Variants in RCN2 observed in about 807,000 individuals in gnomAD.
RCN2 encodes the protein reticulocalbin 2, also known as reticulocalbin-2.
RCN2 carries 23 observed loss-of-function variants against 37.5 expected under a neutral mutation model. That is an observed-to-expected ratio of 0.61 (90% CI 0.44 to 0.87). The LOEUF (loss-of-function observed/expected upper bound fraction) is 0.87, where lower values mean the gene tolerates loss of function less well. Among genes scored for constraint, RCN2 ranks in the 40% least tolerant of loss-of-function variants. The probability of loss-of-function intolerance (pLI) is 0.00; values close to 1 mark genes in which losing one functional copy is unlikely to be tolerated. For missense variants in RCN2, 381 were observed against 390.4 expected, an observed-to-expected ratio of 0.98 and a Z score of 0.20; for synonymous variants, 140 against 144.6, an observed-to-expected ratio of 0.97 and a Z score of 0.23.
At chr15:76,944,076 T>C (rs2152651214) in intron 4 of RCN2, among the ~76,000 whole-genome samples, 2 of 137,920 alleles carry the variant, frequency 1.5e-5, no homozygotes, top group South Asian at 4.9e-4. Flanking sequence ...TACTGCAAGC[T>C]CCGCCTCCCG....
intron 3 of RCN2, chr15:76,942,359 G>A (rs1305866770): frequency 6.6e-6 from 1 of 152,176 alleles, no homozygotes; most frequent in African/African-American, 2.4e-5. Flanking sequence ...TTTATAGGAA[G>A]GAAAGCTATT....
At chr15:76,947,648 T>G (rs2075302085) in intron 5 of RCN2, 131 bp downstream of exon 5, 1 of 643,060 alleles carries the variant, frequency 1.6e-6, no homozygotes, top group African/African-American at 1.9e-5. Flanking sequence ...ACTTGTTTCG[T>G]TAACTGTAAT....
At position 76,951,623 on chromosome 15, in the gene RCN2, G is replaced by C. The variant is rs1056826258; in HGVS notation, c.*2401G>C. The C allele has an allele frequency of 6.6e-6, 1 of 152,178 alleles. No homozygotes were observed. Among genetic ancestry groups the C allele is most frequent in the African/African-American group, 2.4e-5 (1 of 41,438 alleles). The allele number at this position is 152,178 out of a possible 1,614,324, so 9.4% of individuals were successfully genotyped here. ...CTTGAACAGAGATGCTATATCTACT[G>C]CTGAGTCAAAATAGAAAATTTTAAG... On this transcript the variant is annotated 3_prime_UTR_variant, in exon 7 of 7. Coordinates refer to ENST00000394885, the MANE Select transcript of RCN2 (RefSeq NM_002902.3).
At position 76,947,479 on chromosome 15, in the gene RCN2, G is replaced by A; in HGVS notation, c.620G>A (p.Ser207Asn). 6.2e-7 allele frequency: 1 copy of A among 1,610,152 alleles called. No homozygotes were observed. Among genetic ancestry groups the A allele is most frequent in the Non-Finnish European group, 8.5e-7 (1 of 1,178,200 alleles). ...EHDKNGDGFVSLEEFLGDYRW... is the reference protein window; with the variant it reads ...EHDKNGDGFVNLEEFLGDYRW... ...GACAAAAATGGTGATGGATTTGTTA[G>A]TTTGGAAGAATTTCTTGGTGATTAC... Residue 207 changes from serine to asparagine, a missense_variant, in exon 5 of 7, where the codon AGT becomes AAT. By Grantham distance (46) the Ser-to-Asn change is conservative. Coordinates refer to ENST00000394885, the MANE Select transcript of RCN2 (RefSeq NM_002902.3).
chr15:76,938,731 A>T (rs537636259), intron 3 of RCN2: 3 of 455,778 alleles, frequency 6.6e-6, no homozygotes, highest in African/African-American at 6.0e-5. Context: ...TACAGCATCA[A>T]TGTGGAGGTT....
In RCN2 at chr15:76,950,563, G is replaced by A. The variant is rs1472936479; in HGVS notation, c.*1341G>A. 1 of 151,826 alleles carries A rather than the reference G, an allele frequency of 6.6e-6. No individual in the cohort carries two copies. The highest frequency in any genetic ancestry group is 1.9e-4 in the East Asian group (1 of 5,182). The allele number at this position is 151,826 out of a possible 1,614,324, so 9.4% of individuals were successfully genotyped here. A position where few individuals can be genotyped will look rare whatever the true frequency, so the allele number is the denominator to read the frequency against. ...GCCACCACACCCGGCTAATTTTTTT[G>A]TATTTTTAGTAGAGACCGGGTTTCA... On this transcript the variant is annotated 3_prime_UTR_variant, in exon 7 of 7. Transcript: ENST00000394885.
chr15:76,931,896 G>C lies in RCN2; in HGVS notation c.55G>C (p.Ala19Pro). 4 of 1,320,042 alleles carry C rather than the reference G, an allele frequency of 3.0e-6. No individual in the cohort carries two copies. Among genetic ancestry groups the C allele is most frequent in the Non-Finnish European group, 3.9e-6 (4 of 1,033,720 alleles). The allele number at this position is 1,320,042 out of a possible 1,614,324, so 81.8% of individuals were successfully genotyped here. A position where few individuals can be genotyped will look rare whatever the true frequency, so the allele number is the denominator to read the frequency against. ...GGGGCTGCTGCTGCTGTGCGCCGCC[G>C]CGGCCGGCGCCGGCAAGGCCGAGGA... ...ALGLLLLCAA[A>P]AGAGKAEELH... Residue 19 changes from alanine to proline, a missense_variant, in exon 1 of 7, where the codon GCG (alanine) becomes CCG (proline). Coordinates refer to ENST00000394885, the MANE Select transcript of RCN2 (RefSeq NM_002902.3).
chr15:76,948,566 A>G lies in RCN2; in HGVS notation c.801+14A>G. 1 of 1,529,616 alleles carries G rather than the reference A, an allele frequency of 6.5e-7. No individual in the cohort carries two copies. Among genetic ancestry groups the G allele is most frequent in the South Asian group, 1.3e-5 (1 of 78,346 alleles). 94.8% of individuals were successfully genotyped at this position (1,529,616 alleles called of 1,614,324 possible). A position where few individuals can be genotyped will look rare whatever the true frequency, so the allele number is the denominator to read the frequency against. On this transcript the variant is annotated intron_variant, in intron 6 of 6. Transcript: ENST00000394885. ...GCACAAGAGGAGGTAAGTGTTACAG[A>G]ACAACTGTTTCTCTCCACCCCCTCC...
intron 3 of RCN2, among the ~76,000 whole-genome samples, chr15:76,938,571 G>T (rs867071361): frequency 6.6e-6 from 1 of 152,210 alleles, no homozygotes; most frequent in East Asian, 1.9e-4. Flanking sequence ...TTTTCATCTT[G>T]GAAAGCTGAA....
Position 76,951,551 on chromosome 15 carries a change from T to A in RCN2, c.*2329T>A, listed in dbSNP as rs2075320722. 6.6e-6 allele frequency: 1 copy of A among 152,228 alleles called. No homozygotes were observed. The highest frequency in any genetic ancestry group is 1.9e-4 in the East Asian group (1 of 5,206). 9.4% of individuals were successfully genotyped at this position (152,228 alleles called of 1,614,324 possible). On this transcript the variant is annotated 3_prime_UTR_variant, in exon 7 of 7. Transcript: ENST00000394885. ...GCTGTGACTGAGTGAAGATTTCACA[T>A]TTAACAATAGGCTTTTAATAAGCAT...
In RCN2 at chr15:76,935,562, A is replaced by G; in HGVS notation, c.287A>G (p.His96Arg). The part of the protein sequence containing the change: ...LSSWIQMSFK[H>R]YAMQEAKQQF... ...TCATGGATTCAGATGTCTTTTAAGC[A>G]TTATGCTATGCAAGAAGCAAAACAA... Residue 96 changes from histidine to arginine, a missense_variant, in exon 3 of 7, where the codon CAT (histidine) becomes CGT (arginine). Physicochemically the swap from His to Arg is conservative, Grantham distance 29 (BLOSUM62 0). Coordinates refer to ENST00000394885, the MANE Select transcript of RCN2 (RefSeq NM_002902.3). 7 of 1,613,722 alleles carry G rather than the reference A, an allele frequency of 4.3e-6. No individual in the cohort carries two copies. Among genetic ancestry groups the G allele is most frequent in the Non-Finnish European group, 5.9e-6 (7 of 1,179,872 alleles).
chr15:76,936,712 AT>A (rs1227071335), intron 3 of RCN2, among the ~76,000 whole-genome samples: 1 of 152,210 alleles, frequency 6.6e-6, no homozygotes, highest in African/African-American at 2.4e-5. Context: ...ATACTGCACC[AT>A]TTTATATCAG....
At position 76,943,827 on chromosome 15, in the gene RCN2, G is replaced by A; in HGVS notation, c.517G>A (p.Glu173Lys). 1 of 1,610,948 alleles carries A rather than the reference G, an allele frequency of 6.2e-7. No individual in the cohort carries two copies. Among genetic ancestry groups the A allele is most frequent in the Non-Finnish European group, 8.5e-7 (1 of 1,177,676 alleles). ...TTCAGGTCCCGGTTTGAGTCTTGAAGAATTTATTGCTTTTGAGCATCCTGA... is the reference window on the plus strand; with the variant it reads ...TTCAGGTCCCGGTTTGAGTCTTGAAAAATTTATTGCTTTTGAGCATCCTGA... ...QDSGPGLSLE[E>K]FIAFEHPEEV... The change falls in exon 4 of 7, where the codon GAA becomes AAA. Residue 173 changes from glutamate to lysine, a missense_variant. Glu to Lys is a moderately conservative substitution (Grantham distance 56). Coordinates refer to ENST00000394885, the MANE Select transcript of RCN2 (RefSeq NM_002902.3).
intron 4 of RCN2, among the ~76,000 whole-genome samples, chr15:76,945,134 G>A (rs763941738): frequency 1.3e-5 from 2 of 152,206 alleles, no homozygotes; most frequent in Non-Finnish European, 1.5e-5. Context: ...TTGTGGTGAC[G>A]AAGTTGCTTA....
At chr15:76,937,925 G>C (rs1414176857) in intron 3 of RCN2, among the ~76,000 whole-genome samples, 1 of 152,072 alleles carries the variant, frequency 6.6e-6, no homozygotes, top group Non-Finnish European at 1.5e-5. Flanking sequence ...AAATACTTTT[G>C]TATTTCAAAG....
rs2075326386 is a variant in RCN2, at chr15:76,952,535, A to G, written c.*3313A>G. The G allele has an allele frequency of 1.3e-5, 2 of 152,220 alleles. No homozygotes were observed. The highest frequency in any genetic ancestry group is 2.9e-5 in the Non-Finnish European group (2 of 68,054). The allele number at this position is 152,220 out of a possible 1,614,324, so 9.4% of individuals were successfully genotyped here. A position where few individuals can be genotyped will look rare whatever the true frequency, so the allele number is the denominator to read the frequency against. The stretch of plus-strand genomic sequence containing the variant: ...GAAACTATTACCACCTTCCATCTCC[A>G]TGAACTTCATTTGTAAAACGGAAAT... On this transcript the variant is annotated 3_prime_UTR_variant, in exon 7 of 7. Transcript: ENST00000394885.
chr15:76,941,731 A>G, intron 3 of RCN2: 1 of 1,079,320 alleles, frequency 9.3e-7, no homozygotes, highest in Non-Finnish European at 1.3e-6. Context: ...TGGCCGTGAA[A>G]TGTGAACCAG....
intron 3 of RCN2, among the ~76,000 whole-genome samples, chr15:76,937,260 A>G (rs180744199): frequency 6.6e-6 from 1 of 152,228 alleles, no homozygotes; most frequent in Admixed American, 6.5e-5. Flanking sequence ...TGGATTTGGG[A>G]TTTGCAAATC....
At chr15:76,938,902 C>G (rs1325832986) in intron 3 of RCN2, 1 of 410,566 alleles carries the variant, frequency 2.4e-6, no homozygotes, top group Non-Finnish European at 5.1e-6. Flanking sequence ...TGTGGTGGCT[C>G]ACACCTGTAA....
Sources: gnomAD v4.1 joint callset for allele counts (sites outside exome capture counted in the v4.1 genomes callset) on GRCh38, gnomAD v4.1.1 for gene constraint, MANE v1.5 for transcripts, NCBI Gene and HGNC (gene_info 2026-07-23, HGNC 2026-07-21) for gene names.